PPP1R9A: variants seen among roughly 807,000 people sequenced by gnomAD.
PPP1R9A encodes neurabin-1.
In PPP1R9A, 59 loss-of-function variants were observed where a neutral mutation model predicts 141.9. That is an observed-to-expected ratio of 0.42 (90% CI 0.34 to 0.52). The LOEUF is 0.52. Among genes scored for constraint, PPP1R9A ranks in the 20% least tolerant of loss-of-function variants. PPP1R9A has a pLI of 0.10. For missense variants in PPP1R9A, 1,444 were observed against 1,611.9 expected, an observed-to-expected ratio of 0.90 and a Z score of 1.78; for synonymous variants, 500 against 569.7, an observed-to-expected ratio of 0.88 and a Z score of 1.74.
At chr7:95,169,502 T>C (rs974782243) in intron 5 of PPP1R9A, among the ~76,000 whole-genome samples, 3 of 151,882 alleles carry the variant, frequency 2.0e-5, no homozygotes, top group Non-Finnish European at 4.4e-5. Context: ...ACAATGTATG[T>C]ATATTACAAA....
At chr7:95,108,726 G>T (rs1302633504) in intron 2 of PPP1R9A, 1 of 151,878 alleles carries the variant, frequency 6.6e-6, no homozygotes, top group African/African-American at 2.4e-5. Context: ...TTATAAACTA[G>T]CCCGAATAGG....
intron 4 of PPP1R9A, among the ~76,000 whole-genome samples, chr7:95,149,209 A>G (rs2152639231): frequency 6.6e-6 from 1 of 152,240 alleles, no homozygotes; most frequent in East Asian, 1.9e-4. Flanking sequence ...TTTATGAGAA[A>G]AACTCTAAGT....
chr7:95,033,129 C>T (rs762333153), intron 2 of PPP1R9A, among the ~76,000 whole-genome samples: 24 of 151,162 alleles, frequency 1.6e-4, no homozygotes, highest in Non-Finnish European at 2.5e-4. Flanking sequence ...CTCAGCCTCC[C>T]GAGTAGCTGG....
intron 4 of PPP1R9A, among the ~76,000 whole-genome samples, chr7:95,137,354 G>A (rs1431270330): frequency 7.4e-6 from 1 of 134,668 alleles, no homozygotes; most frequent in African/African-American, 2.8e-5. Flanking sequence ...TTGTCCTTGC[G>A]ATAGTTTGCT....
chr7:95,253,892 A>G (rs1038722178), intron 12 of PPP1R9A, among the ~76,000 whole-genome samples: 1 of 152,048 alleles, frequency 6.6e-6, no homozygotes, highest in Non-Finnish European at 1.5e-5. Flanking sequence ...GGCATACTCA[A>G]AGTATGAGCA....
chr7:95,152,659 A>G (rs1288533919), intron 4 of PPP1R9A, among the ~76,000 whole-genome samples: 3 of 152,052 alleles, frequency 2.0e-5, no homozygotes, highest in Non-Finnish European at 4.4e-5. Flanking sequence ...CTATTACATC[A>G]CCTACATAGT....
chr7:95,217,644 C>G (rs1298899842), intron 7 of PPP1R9A, among the ~76,000 whole-genome samples: 1 of 152,158 alleles, frequency 6.6e-6, no homozygotes, highest in African/African-American at 2.4e-5. Context: ...GCCTCAATTT[C>G]AGAGCCTGTT....
At chr7:95,015,253 C>A (rs1380363558) in intron 2 of PPP1R9A, among the ~76,000 whole-genome samples, 1 of 151,876 alleles carries the variant, frequency 6.6e-6, no homozygotes, top group South Asian at 2.1e-4. Flanking sequence ...CACACATACA[C>A]ACACACATAC....
rs181855984 is a variant in PPP1R9A, at chr7:95,188,254, A to T, written c.1755-10095A>T. ...TATGATTTCCCTCTTTGTCTTTTTT[A>T]ACTGTTGTTGCTTTAAAGTCTGTTT... On this transcript the variant is annotated intron_variant, in intron 5 of 19. Transcript: ENST00000433360. Among the ~76,000 whole-genome samples the T allele has an allele frequency of 4.6e-3, 706 of 151,884 alleles. 5 individuals are homozygous for T. Among genetic ancestry groups the T allele is most frequent in the African/African-American group, 0.016 (659 of 41,502 alleles).
rs779629900 is a variant in PPP1R9A at position 94,911,365 on chromosome 7, G to C, written c.1252G>C (p.Gly418Arg). 6 of 1,614,028 alleles carry C rather than the reference G, an allele frequency of 3.7e-6. No individual in the cohort carries two copies. The highest frequency in any genetic ancestry group is 1.7e-5 in the Admixed American group (1 of 59,998). ...SRYNSDWGET[G>R]TEQDEEEDSD... The stretch of plus-strand genomic sequence containing the variant: ...GTATAATTCAGACTGGGGAGAGACA[G>C]GCACTGAGCAGGATGAGGAGGAAGA... The change falls in exon 2 of 20, where the codon GGC becomes CGC. Residue 418 changes from glycine to arginine, a missense_variant. This residue lies in a region of PPP1R9A where 490 missense variants were observed against 521.1 expected (regional missense o/e 0.94). Transcript: ENST00000433360.
chr7:95,145,100 G>C (rs1417596265), intron 4 of PPP1R9A, among the ~76,000 whole-genome samples: 2 of 152,148 alleles, frequency 1.3e-5, no homozygotes, highest in East Asian at 3.8e-4. Flanking sequence ...CAAATAAATG[G>C]AAAGATACCT....
At chr7:95,160,661 C>T (rs1003076689) in intron 4 of PPP1R9A, among the ~76,000 whole-genome samples, 4 of 151,924 alleles carry the variant, frequency 2.6e-5, no homozygotes, top group Non-Finnish European at 4.4e-5. Flanking sequence ...AGTTTTTCAG[C>T]CCTTGCTTCC....
chr7:95,098,128 G>A (rs1176083877), intron 2 of PPP1R9A: 3 of 152,050 alleles, frequency 2.0e-5, no homozygotes, highest in Admixed American at 6.5e-5. Context: ...AACTTTAATC[G>A]CATCTACAGA....
chr7:95,134,690 C>G (rs926415833), intron 4 of PPP1R9A, among the ~76,000 whole-genome samples: 1 of 152,174 alleles, frequency 6.6e-6, no homozygotes, highest in Non-Finnish European at 1.5e-5. Flanking sequence ...CCACCTTGGC[C>G]CCCCAAAGTG....
chr7:95,203,801 G>T, intron 7 of PPP1R9A, 71 bp downstream of exon 7: 1 of 1,153,284 alleles, frequency 8.7e-7, no homozygotes, highest in Non-Finnish European at 1.2e-6. Context: ...AATATTCTTT[G>T]TGTCTTATTA....
chr7:95,252,622 C>G lies in PPP1R9A; in HGVS notation c.2665+492C>G, dbSNP rs1048547028. Among the ~76,000 whole-genome samples the G allele has an allele frequency of 2.0e-5, 3 of 151,922 alleles. No individual in the cohort carries two copies. In the South Asian group the frequency reaches 6.2e-4, roughly 32 times the overall value. Reference sequence around the variant, plus strand: ...AGCTGTGACTATAGGCATGTGCTACCACGTCTGGCTAATTTTTGTATTTTT... The same window carrying G: ...AGCTGTGACTATAGGCATGTGCTACGACGTCTGGCTAATTTTTGTATTTTT... On this transcript the variant is annotated intron_variant, in intron 12 of 19. Coordinates refer to ENST00000433360, the MANE Select transcript of PPP1R9A (RefSeq NM_001166160.2).
At chr7:95,241,807 A>T (rs779383603) in intron 8 of PPP1R9A, among the ~76,000 whole-genome samples, 5 of 152,168 alleles carry the variant, frequency 3.3e-5, no homozygotes, top group African/African-American at 1.2e-4. Flanking sequence ...TCTTTATGGA[A>T]GTTTCCACTA....
At chr7:95,042,629 T>C (rs1368762940) in intron 2 of PPP1R9A, among the ~76,000 whole-genome samples, 1 of 152,178 alleles carries the variant, frequency 6.6e-6, no homozygotes, top group African/African-American at 2.4e-5. Context: ...TATCTTTCTG[T>C]TCAACACACC....
In PPP1R9A at chr7:95,144,892, A is replaced by C. The variant is rs371756842; in HGVS notation, c.1650-16975A>C. Reference sequence around the variant, plus strand: ...TAAATTCAGCAAACTTGCAGGATCAACTTTACTGAGTGGACAACGTACAAA... The same window carrying C: ...TAAATTCAGCAAACTTGCAGGATCACCTTTACTGAGTGGACAACGTACAAA... On this transcript the variant is annotated intron_variant, in intron 4 of 19. Coordinates refer to ENST00000433360, the MANE Select transcript of PPP1R9A (RefSeq NM_001166160.2). Among the ~76,000 whole-genome samples, 175 of 152,340 alleles carry C rather than the reference A, an allele frequency of 1.1e-3. 1 individual carries two copies. Among genetic ancestry groups the C allele is most frequent in the African/African-American group, 4.0e-3 (165 of 41,580 alleles).
Sources: allele counts gnomAD v4.1 joint callset (sites outside exome capture counted in the v4.1 genomes callset), GRCh38; gene constraint gnomAD v4.1.1; regional missense constraint gnomAD v4.1.1; transcripts MANE v1.5; gene names NCBI Gene and HGNC (gene_info 2026-07-23, HGNC 2026-07-21).